Variants in POU6F2 observed in about 807,000 individuals in gnomAD.
POU6F2 encodes POU class 6 homeobox 2, also known as POU domain, class 6, transcription factor 2.
POU6F2 carries 31 observed loss-of-function variants against 71.3 expected under a neutral mutation model. The ratio of observed to expected loss-of-function variants is 0.43; its 90% CI spans 0.33 to 0.59. POU6F2 has a LOEUF of 0.59. Ranked by LOEUF, POU6F2 falls within the 20% of genes least tolerant of loss-of-function variation. The pLI is 0.04. For synonymous variants in POU6F2, 347 were observed against 355.7 expected, an observed-to-expected ratio of 0.98 and a Z score of 0.27; for missense variants, 783 against 856.8, an observed-to-expected ratio of 0.91 and a Z score of 1.07.
At chr7:38,979,922 A>T (rs1212411153) in intron 1 of POU6F2, among the ~76,000 whole-genome samples, 1 of 152,162 alleles carries the variant, frequency 6.6e-6, no homozygotes, top group African/African-American at 2.4e-5. Flanking sequence ...TGTTTATTGG[A>T]AATCAATTGT....
At chr7:39,390,852 G>GT (rs113396553) in intron 5 of POU6F2, among the ~76,000 whole-genome samples, 98 of 147,772 alleles carry the variant, frequency 6.6e-4, no homozygotes, top group Middle Eastern at 6.9e-3. Context: ...TTGTTTTTTG[G>GT]TTTTTTTTTT....
chr7:39,260,188 CCA>C (rs1015129171), intron 4 of POU6F2, among the ~76,000 whole-genome samples: 6 of 146,590 alleles, frequency 4.1e-5, no homozygotes, highest in African/African-American at 7.8e-5. Context: ...TGTGCTCACA[CCA>C]CACACACAAT....
Position 39,000,530 on chromosome 7 carries a change from G to GACAC in POU6F2, c.105+22505_105+22508dup, listed in dbSNP as rs5883670. Among the ~76,000 whole-genome samples, 406 of 141,244 alleles carry GACAC rather than the reference G, an allele frequency of 2.9e-3. 5 individuals are homozygous for GACAC. Among genetic ancestry groups the GACAC allele is most frequent in the African/African-American group, 9.9e-3 (378 of 38,256 alleles). The allele number at this position is 141,244 out of a possible 152,430, so 92.7% of individuals were successfully genotyped here. ...TCTCCATTTTCTCAACATACCCACAGACACACACACACACACACACACACA... is the reference window on the plus strand; with the variant it reads ...TCTCCATTTTCTCAACATACCCACAGACACACACACACACACACACACACACACA... On this transcript the variant is annotated intron_variant, in intron 1 of 9. Transcript: ENST00000518318.
At chr7:39,246,621 A>G (rs1344074426) in intron 4 of POU6F2, among the ~76,000 whole-genome samples, 1 of 152,138 alleles carries the variant, frequency 6.6e-6, no homozygotes, top group Non-Finnish European at 1.5e-5. Context: ...ATCCCATGAA[A>G]TTGATGGGAT....
At chr7:39,451,487 T>G (rs778988526) in intron 7 of POU6F2, 46 bp from the exon 8 acceptor site, 1 of 1,535,140 alleles carries the variant, frequency 6.5e-7, no homozygotes. Flanking sequence ...ATTTTTCCCC[T>G]AATTTTTCAT....
intron 4 of POU6F2, among the ~76,000 whole-genome samples, chr7:39,249,320 A>G (rs1783874618): frequency 1.3e-5 from 2 of 152,150 alleles, no homozygotes; most frequent in South Asian, 4.2e-4. Context: ...TAGCATTTTA[A>G]ACCTGGGTTC....
chr7:39,200,734 G>A (rs1196903181), intron 2 of POU6F2, among the ~76,000 whole-genome samples: 1 of 152,012 alleles, frequency 6.6e-6, no homozygotes, highest in Non-Finnish European at 1.5e-5. Context: ...TTTAGGCTGG[G>A]CATTGTGGCT....
chr7:39,374,691 C>T (rs954663500), intron 5 of POU6F2, among the ~76,000 whole-genome samples: 3 of 152,166 alleles, frequency 2.0e-5, no homozygotes, highest in Admixed American at 6.5e-5. Flanking sequence ...GGGGAGTCTT[C>T]ACCAGGACTC....
At chr7:39,023,377 T>C (rs926558998) in intron 1 of POU6F2, among the ~76,000 whole-genome samples, 3 of 152,070 alleles carry the variant, frequency 2.0e-5, no homozygotes, top group Non-Finnish European at 4.4e-5. Flanking sequence ...GTTTGTGCTT[T>C]CAGTATCTTG....
intron 4 of POU6F2, among the ~76,000 whole-genome samples, chr7:39,282,937 G>A (rs962281455): frequency 3.9e-5 from 6 of 152,018 alleles, no homozygotes; most frequent in African/African-American, 7.2e-5. Flanking sequence ...CCATTTATGT[G>A]TATCCTCTTC....
chr7:39,085,653 T>C (rs1329508981), intron 1 of POU6F2: 24 of 514,846 alleles, frequency 4.7e-5, no homozygotes, highest in Non-Finnish European at 7.3e-5. Flanking sequence ...TGGGGAGTAA[T>C]GGAGAACTCA....
chr7:39,102,581 T>A (rs1294045903), intron 2 of POU6F2, among the ~76,000 whole-genome samples: 1 of 152,144 alleles, frequency 6.6e-6, no homozygotes, highest in African/African-American at 2.4e-5. Context: ...GAAAATAGAC[T>A]CTACCCACAG....
chr7:39,454,611 G>A (rs1479079277), intron 8 of POU6F2, among the ~76,000 whole-genome samples: 1 of 130,270 alleles, frequency 7.7e-6, no homozygotes, highest in South Asian at 2.6e-4. Flanking sequence ...GAAATTATAA[G>A]AGTCTTATGA....
At chr7:39,110,247 G>C (rs1337390458) in intron 2 of POU6F2, among the ~76,000 whole-genome samples, 2 of 142,762 alleles carry the variant, frequency 1.4e-5, no homozygotes, top group Non-Finnish European at 3.0e-5. Flanking sequence ...CTCCAGGCTG[G>C]GACAGAGCGA....
At position 39,264,045 on chromosome 7, in the gene POU6F2, C is replaced by T. The variant is rs532656330; in HGVS notation, c.598+56425C>T. ...GAAGGACTGGCATTAGGAGGTACTT[C>T]TTGACGGTCTCAAGGCCCCTAAGAC... is the stretch of plus-strand genomic sequence containing the variant. On this transcript the variant is annotated intron_variant, in intron 4 of 9. Transcript: ENST00000518318. 1.3e-3 allele frequency among the ~76,000 whole-genome samples: 195 copies of T among 152,304 alleles called. 4 individuals carry two copies. The South Asian group carries it at 0.037, about 29-fold the overall frequency.
chr7:39,340,264 G>T (rs1322373487), intron 5 of POU6F2, among the ~76,000 whole-genome samples: 8 of 152,218 alleles, frequency 5.3e-5, no homozygotes, highest in Admixed American at 3.9e-4. Context: ...GTTTCCTTCT[G>T]TGAGAGGCCA....
At chr7:39,124,562 A>G (rs1026911164) in intron 2 of POU6F2, among the ~76,000 whole-genome samples, 1 of 152,212 alleles carries the variant, frequency 6.6e-6, no homozygotes, top group Non-Finnish European at 1.5e-5. Flanking sequence ...AGTATTGAAG[A>G]GTTTAATTAT....
chr7:39,303,591 T>A (rs547619429), intron 4 of POU6F2, among the ~76,000 whole-genome samples: 1 of 152,202 alleles, frequency 6.6e-6, no homozygotes, highest in Non-Finnish European at 1.5e-5. Flanking sequence ...AAAGAAGTGA[T>A]CCTCTGGTTG....
In POU6F2 at chr7:39,222,889, A is replaced by G. The variant is rs1019837795; in HGVS notation, c.598+15269A>G. 1.2e-4 allele frequency among the ~76,000 whole-genome samples: 18 copies of G among 152,200 alleles called. 1 individual carries two copies. The highest frequency in any genetic ancestry group is 2.6e-4 in the Non-Finnish European group (18 of 68,012). ...AAATATCTATTTGTATCAGCTTTCAATTGTTTGGGGTATATACCCAGAAGA... is the reference window on the plus strand; with the variant it reads ...AAATATCTATTTGTATCAGCTTTCAGTTGTTTGGGGTATATACCCAGAAGA... On this transcript the variant is annotated intron_variant, in intron 4 of 9. Coordinates refer to ENST00000518318, the MANE Select transcript of POU6F2 (RefSeq NM_001370959.1).
Sources: allele counts gnomAD v4.1 joint callset (sites outside exome capture counted in the v4.1 genomes callset), GRCh38; gene constraint gnomAD v4.1.1; transcripts MANE v1.5; gene names NCBI Gene and HGNC (gene_info 2026-07-23, HGNC 2026-07-21).